Variants in AATF observed in about 807,000 individuals in gnomAD.
The protein encoded by AATF is protein AATF.
In AATF, 48 loss-of-function variants were observed where a neutral mutation model predicts 63.7. That is an observed-to-expected ratio of 0.75 (90% CI 0.60 to 0.96). The LOEUF (loss-of-function observed/expected upper bound fraction) is 0.96. Ranked by LOEUF, AATF falls within the 40% of genes least tolerant of loss-of-function variation. The pLI, the probability that AATF is intolerant of heterozygous loss-of-function variation, is 0.00. For synonymous variants in AATF, 258 were observed against 247.7 expected, an observed-to-expected ratio of 1.04 and a Z score of -0.39; for missense variants, 639 against 685.7, an observed-to-expected ratio of 0.93 and a Z score of 0.76.
At chr17:36,980,305 A>T (rs1394870327) in intron 4 of AATF, 1 of 152,234 alleles carries the variant, frequency 6.6e-6, no homozygotes, top group South Asian at 2.1e-4. Flanking sequence ...TGGTGGCCAG[A>T]TGCTAAGGTT....
intron 11 of AATF, among the ~76,000 whole-genome samples, chr17:37,037,927 G>A (rs976470550): frequency 2.6e-5 from 4 of 152,126 alleles, no homozygotes; most frequent in Non-Finnish European, 4.4e-5. Flanking sequence ...TCTCTCTCTT[G>A]CTCCTGCTGT....
At chr17:37,018,917 A>G (rs2071447862) in intron 8 of AATF, 88 bp from the exon 9 acceptor site, 1 of 1,048,764 alleles carries the variant, frequency 9.5e-7, no homozygotes, top group Non-Finnish European at 1.5e-6. Context: ...AGCTGTCACT[A>G]TGCCATTCAG....
At chr17:36,988,906 T>C (rs893963597) in intron 6 of AATF, among the ~76,000 whole-genome samples, 186 bp downstream of exon 6, 1 of 152,240 alleles carries the variant, frequency 6.6e-6, no homozygotes, top group Non-Finnish European at 1.5e-5. Flanking sequence ...CTTGGGATTT[T>C]AACTTTATTA....
intron 4 of AATF, among the ~76,000 whole-genome samples, chr17:36,959,738 G>T (rs955376149): frequency 1.3e-5 from 2 of 151,988 alleles, no homozygotes; most frequent in Non-Finnish European, 2.9e-5. Context: ...TTTCATTACA[G>T]GTCTAAAATG....
intron 2 of AATF, among the ~76,000 whole-genome samples, chr17:36,952,014 A>T (rs1163996654): frequency 6.6e-6 from 1 of 152,246 alleles, no homozygotes; most frequent in Non-Finnish European, 1.5e-5. Flanking sequence ...TACTCTAAGC[A>T]TAAGTCAAAC....
At chr17:37,018,226 A>T (rs1218375174) in intron 8 of AATF, among the ~76,000 whole-genome samples, 1 of 152,228 alleles carries the variant, frequency 6.6e-6, no homozygotes, top group East Asian at 1.9e-4. Context: ...TTCAGTGCAG[A>T]TTCTTAAGTC....
At chr17:36,956,132 T>G (rs2142205771) in intron 4 of AATF, among the ~76,000 whole-genome samples, 1 of 152,332 alleles carries the variant, frequency 6.6e-6, no homozygotes. Flanking sequence ...TTACTCTTTT[T>G]TGTACTTAAC....
chr17:36,968,424 G>A (rs1007120215), intron 4 of AATF, among the ~76,000 whole-genome samples: 3 of 150,214 alleles, frequency 2.0e-5, no homozygotes, highest in Non-Finnish European at 4.4e-5. Flanking sequence ...ACAGGTGCAC[G>A]CCACCACGCC....
chr17:36,970,761 C>T (rs1418199259), intron 4 of AATF, among the ~76,000 whole-genome samples: 5 of 151,686 alleles, frequency 3.3e-5, no homozygotes, highest in African/African-American at 4.8e-5. Flanking sequence ...AGGCTGGTCT[C>T]GAACTCCTGC....
intron 11 of AATF, among the ~76,000 whole-genome samples, chr17:37,050,506 T>G (rs2071738897): frequency 6.6e-6 from 1 of 152,208 alleles, no homozygotes; most frequent in Non-Finnish European, 1.5e-5. Context: ...GCAGCATCAG[T>G]ACATCACCAA....
intron 8 of AATF, among the ~76,000 whole-genome samples, chr17:37,008,771 T>C (rs886476652): frequency 6.6e-6 from 1 of 152,048 alleles, no homozygotes; most frequent in African/African-American, 2.4e-5. Flanking sequence ...AGGTGGGAGC[T>C]CTGGAGGTCA....
chr17:37,009,152 A>G (rs2071363646), intron 8 of AATF, among the ~76,000 whole-genome samples: 1 of 152,032 alleles, frequency 6.6e-6, no homozygotes, highest in African/African-American at 2.4e-5. Flanking sequence ...GGTTTTTGAG[A>G]TGGAGTTTCA....
chr17:37,039,604 C>A (rs923764434), intron 11 of AATF, among the ~76,000 whole-genome samples: 1 of 152,182 alleles, frequency 6.6e-6, no homozygotes, highest in African/African-American at 2.4e-5. Context: ...TTTGACCCCC[C>A]AGCAGTGCTG....
At chr17:36,983,488 C>T (rs2071143111) in intron 4 of AATF, among the ~76,000 whole-genome samples, 2 of 152,148 alleles carry the variant, frequency 1.3e-5, no homozygotes, top group African/African-American at 4.8e-5. Context: ...GCTGAGACTA[C>T]AGGCATGCGC....
chr17:37,026,077 A>G (rs1567988517), intron 10 of AATF, among the ~76,000 whole-genome samples: 1 of 152,164 alleles, frequency 6.6e-6, no homozygotes, highest in East Asian at 1.9e-4. Context: ...ATTCTTGCAA[A>G]AAAATGCCTA....
At chr17:36,988,173 C>T (rs1048226896) in intron 5 of AATF, among the ~76,000 whole-genome samples, 1 of 151,960 alleles carries the variant, frequency 6.6e-6, no homozygotes, top group African/African-American at 2.4e-5. Context: ...AAAAATTAGT[C>T]GGGCATGGTT....
intron 11 of AATF, 31 bp from the exon 12 acceptor site, chr17:37,056,569 GT>G (rs2071799747): frequency 6.2e-7 from 1 of 1,611,816 alleles, no homozygotes; most frequent in African/African-American, 1.3e-5. Context: ...GTGAACCAGT[GT>G]GTTAACCAGT....
intron 11 of AATF, among the ~76,000 whole-genome samples, chr17:37,042,865 C>A (rs1467172579): frequency 3.3e-5 from 5 of 151,484 alleles, no homozygotes; most frequent in Non-Finnish European, 5.9e-5. Context: ...CCTCAGCTTC[C>A]CGAGTAGCTG....
chr17:36,973,335 G>A (rs1207914817), intron 4 of AATF, among the ~76,000 whole-genome samples: 1 of 152,150 alleles, frequency 6.6e-6, no homozygotes, highest in Non-Finnish European at 1.5e-5. Flanking sequence ...CAATTGGTGA[G>A]AGGCAAAGCC....
Sources: gnomAD v4.1 joint callset for allele counts (sites outside exome capture counted in the v4.1 genomes callset) on GRCh38, gnomAD v4.1.1 for gene constraint, MANE v1.5 for transcripts, NCBI Gene and HGNC (gene_info 2026-07-23, HGNC 2026-07-21) for gene names.